Variants in PIAS2 observed in about 807,000 individuals in gnomAD.
PIAS2 encodes the protein protein inhibitor of activated STAT 2, also known as E3 SUMO-protein ligase PIAS2.
A neutral mutation model predicts 69.7 loss-of-function variants in PIAS2; 19 were observed. The observed-to-expected ratio is 0.27, with a 90% CI of 0.19 to 0.40. The LOEUF (loss-of-function observed/expected upper bound fraction) is 0.40. Among genes scored for constraint, PIAS2 ranks in the 10% least tolerant of loss-of-function variants. PIAS2 has a pLI of 1.00. For synonymous variants in PIAS2, 261 were observed against 263.2 expected (o/e 0.99, Z 0.08); for missense variants, 624 against 757.0 (o/e 0.82, Z 2.06).
intron 2 of PIAS2, among the ~76,000 whole-genome samples, chr18:46,867,997 G>A (rs2049754066): frequency 6.6e-6 from 1 of 152,180 alleles, no homozygotes; most frequent in African/African-American, 2.4e-5. Context: ...CCAGCCAACA[G>A]CCAAGCTAAG....
chr18:46,889,323 T>C (rs1428054288), intron 2 of PIAS2, among the ~76,000 whole-genome samples: 1 of 152,088 alleles, frequency 6.6e-6, no homozygotes, highest in Non-Finnish European at 1.5e-5. Flanking sequence ...GAGAAAATAT[T>C]TGCACATTCA....
rs969602128 is a variant in PIAS2, at chr18:46,860,626, T to A, written c.584+3538A>T. On this transcript the variant is annotated intron_variant, in intron 3 of 13. Transcript: ENST00000585916. The stretch of plus-strand genomic sequence containing the variant: ...TTGAGCATATCAATTACTGTAACAC[T>A]GGAATATAACTCATAGAGCACCCAT... Among the ~76,000 whole-genome samples the A allele has an allele frequency of 2.6e-5, 4 of 152,246 alleles. No homozygotes were observed. The East Asian group carries it at 7.7e-4, about 29-fold the overall frequency.
At chr18:46,871,140 T>C (rs1299449625) in intron 2 of PIAS2, among the ~76,000 whole-genome samples, 1 of 152,152 alleles carries the variant, frequency 6.6e-6, no homozygotes, top group Non-Finnish European at 1.5e-5. Context: ...CAGATATTGC[T>C]AAGAAATTAC....
At chr18:46,916,449 T>C (rs1757280168) in intron 1 of PIAS2, among the ~76,000 whole-genome samples, 1 of 152,116 alleles carries the variant, frequency 6.6e-6, no homozygotes, top group Non-Finnish European at 1.5e-5. Context: ...ATCTCATTTA[T>C]GTCGCCAGTA....
intron 2 of PIAS2, among the ~76,000 whole-genome samples, chr18:46,873,931 T>A (rs1600092518): frequency 6.6e-6 from 1 of 152,000 alleles, no homozygotes; most frequent in East Asian, 1.9e-4. Context: ...AAAGGAGAAG[T>A]TAATAAAAAT....
At chr18:46,908,042 G>C (rs1016877466) in intron 1 of PIAS2, 3 of 152,220 alleles carry the variant, frequency 2.0e-5, no homozygotes, top group African/African-American at 7.2e-5. Flanking sequence ...TGACCTGCAC[G>C]ATTATTATTT....
chr18:46,804,743 C>T lies in PIAS2; in HGVS notation c.*7690G>A, dbSNP rs900495083. 5.9e-5 allele frequency: 9 copies of T among 152,174 alleles called. No individual in the cohort carries two copies. The highest frequency in any genetic ancestry group is 8.8e-5 in the Non-Finnish European group (6 of 68,036). 9.4% of individuals were successfully genotyped at this position (152,174 alleles called of 1,614,324 possible). ...TGTCTTTTACCATTAACATTGTAATCTCCCTATTTCACACCTCTGTTGACG... is the reference window on the plus strand; with the variant it reads ...TGTCTTTTACCATTAACATTGTAATTTCCCTATTTCACACCTCTGTTGACG... On this transcript the variant is annotated 3_prime_UTR_variant, in exon 14 of 14. Coordinates refer to ENST00000585916, the MANE Select transcript of PIAS2 (RefSeq NM_004671.5).
intron 9 of PIAS2, among the ~76,000 whole-genome samples, chr18:46,834,723 T>A (rs572738104): frequency 1.3e-5 from 2 of 152,310 alleles, no homozygotes; most frequent in African/African-American, 4.8e-5. Flanking sequence ...CAGACAATCA[T>A]CCTGCCTTGG....
intron 11 of PIAS2, among the ~76,000 whole-genome samples, chr18:46,824,883 C>T (rs931543240): frequency 6.6e-6 from 1 of 150,940 alleles, no homozygotes. Flanking sequence ...GGTGGTAGTT[C>T]CAGCTACTTG....
In PIAS2 at chr18:46,815,984, A is replaced by T. The variant is rs1366903348; in HGVS notation, c.1649-635T>A. On this transcript the variant is annotated intron_variant, in intron 12 of 13. Coordinates refer to ENST00000585916, the MANE Select transcript of PIAS2 (RefSeq NM_004671.5). ...TTCGATTTTAGAAAGAGGAATGTGT[A>T]AAAGGTTGTCCAGTAATATACTTTT... is the stretch of plus-strand genomic sequence containing the variant. 6.1e-6 allele frequency: 6 copies of T among 985,120 alleles called. No individual in the cohort carries two copies. In the African/African-American group the frequency reaches 1.0e-4, roughly 17 times the overall value. 61.0% of individuals were successfully genotyped at this position (985,120 alleles called of 1,614,324 possible).
chr18:46,875,485 TAGG>T (rs1877634554), intron 2 of PIAS2, among the ~76,000 whole-genome samples: 1 of 152,164 alleles, frequency 6.6e-6, no homozygotes, highest in African/African-American at 2.4e-5. Flanking sequence ...TGGTATGGGT[TAGG>T]AGCAGATGTT....
At chr18:46,905,113 T>G (rs534513242) in intron 1 of PIAS2, among the ~76,000 whole-genome samples, 1 of 152,280 alleles carries the variant, frequency 6.6e-6, no homozygotes, top group African/African-American at 2.4e-5. Flanking sequence ...ATTATTAAAA[T>G]GGACCACATT....
In PIAS2 at chr18:46,904,754, C is replaced by CAAAA. The variant is rs767029961; in HGVS notation, c.24+12564_24+12567dup. ...TGACACAGCAAGACTCCATCCGTCT[C>CAAAA]AAAAAAAAAAAAAAAACAGAGATGG... is the stretch of plus-strand genomic sequence containing the variant. On this transcript the variant is annotated intron_variant, in intron 1 of 13. Transcript: ENST00000585916. Among the ~76,000 whole-genome samples the CAAAA allele has an allele frequency of 7.9e-4, 83 of 104,900 alleles. 1 individual carries two copies. The highest frequency in any genetic ancestry group is 1.3e-3 in the Non-Finnish European group (67 of 50,878). The allele number at this position is 104,900 out of a possible 152,430, so 68.8% of individuals were successfully genotyped here.
chr18:46,824,849 A>AT (rs2042624989), intron 11 of PIAS2, among the ~76,000 whole-genome samples: 3 of 151,556 alleles, frequency 2.0e-5, no homozygotes, highest in Non-Finnish European at 4.4e-5. Flanking sequence ...CAAAAAAAAA[A>AT]AAAACACAAA....
chr18:46,840,741 T>C (rs2045256135), intron 8 of PIAS2, among the ~76,000 whole-genome samples: 1 of 152,230 alleles, frequency 6.6e-6, no homozygotes, highest in African/African-American at 2.4e-5. Context: ...GACCTGAATG[T>C]GCCACCAAAA....
At chr18:46,872,195 G>C (rs1411994314) in intron 2 of PIAS2, among the ~76,000 whole-genome samples, 1 of 152,158 alleles carries the variant, frequency 6.6e-6, no homozygotes, top group Non-Finnish European at 1.5e-5. Context: ...CAAGGCCCCA[G>C]AGCTATTAAC....
intron 3 of PIAS2, among the ~76,000 whole-genome samples, chr18:46,862,222 TC>T (rs1470268488): frequency 4.2e-4 from 64 of 152,128 alleles, no homozygotes; most frequent in African/African-American, 1.5e-3. Flanking sequence ...TCACAGCTAC[TC>T]AAGAGGCTGA....
At chr18:46,840,997 G>C (rs2045305015) in intron 8 of PIAS2, among the ~76,000 whole-genome samples, 1 of 147,790 alleles carries the variant, frequency 6.8e-6, no homozygotes, top group African/African-American at 2.5e-5. Context: ...AAACATACTA[G>C]AATCTCAAGA....
At chr18:46,832,607 C>T (rs1456400970) in intron 9 of PIAS2, among the ~76,000 whole-genome samples, 2 of 151,734 alleles carry the variant, frequency 1.3e-5, no homozygotes, top group East Asian at 2.0e-4. Context: ...AAAAGATTAA[C>T]TGGCCGGATG....
Sources: allele counts gnomAD v4.1 joint callset (sites outside exome capture counted in the v4.1 genomes callset), GRCh38; gene constraint gnomAD v4.1.1; transcripts MANE v1.5; gene names NCBI Gene and HGNC (gene_info 2026-07-23, HGNC 2026-07-21).